The following MAD1L1 variants were observed in gnomAD, a reference collection of about 807,000 sequenced individuals.
MAD1L1 encodes the protein mitotic spindle assembly checkpoint protein MAD1.
A neutral mutation model predicts 96.9 loss-of-function variants in MAD1L1; 95 were observed. The observed-to-expected ratio is 0.98, with a 90% CI of 0.83 to 1.16. The LOEUF is 1.16. Ranked by LOEUF, MAD1L1 falls within the 50% of genes most tolerant of loss-of-function variation. The probability of loss-of-function intolerance (pLI) is 0.00; values close to 1 mark genes in which losing one functional copy is unlikely to be tolerated. For missense variants in MAD1L1, 1,007 were observed against 954.4 expected (o/e 1.06, Z -0.73); for synonymous variants, 473 against 396.6 (o/e 1.19, Z -2.29).
chr7:1,939,519 ATG>A (rs2128465570), intron 16 of MAD1L1, among the ~76,000 whole-genome samples: 1 of 148,336 alleles, frequency 6.7e-6, no homozygotes, highest in Admixed American at 6.7e-5. Flanking sequence ...AGGCACAGAC[ATG>A]ACCATGGTCA....
intron 11 of MAD1L1, among the ~76,000 whole-genome samples, chr7:2,130,168 C>A (rs1167153250): frequency 6.6e-6 from 1 of 152,244 alleles, no homozygotes; most frequent in African/African-American, 2.4e-5. Context: ...GCCTTCGGCC[C>A]GCAGCAGGTG....
At position 2,163,275 on chromosome 7, in the gene MAD1L1, G is replaced by C. The variant is rs74757863; in HGVS notation, c.987-14037C>G. On this transcript the variant is annotated intron_variant, in intron 10 of 18. Transcript: ENST00000265854. ...CCCAGGGGCTTGCTCTGGGAGTGTGGGTTGGGGGCGTAATGGGATGGAACT... is the reference window on the plus strand; with the variant it reads ...CCCAGGGGCTTGCTCTGGGAGTGTGCGTTGGGGGCGTAATGGGATGGAACT... 9.2e-3 allele frequency among the ~76,000 whole-genome samples: 1,401 copies of C among 152,306 alleles called. 21 individuals carry two copies. The highest frequency in any genetic ancestry group is 0.032 in the African/African-American group (1,313 of 41,556).
intron 11 of MAD1L1, among the ~76,000 whole-genome samples, chr7:2,095,728 C>G (rs1786453281): frequency 6.6e-6 from 1 of 152,220 alleles, no homozygotes; most frequent in Admixed American, 6.5e-5. Context: ...GCGCACAAGG[C>G]TCAGCCGGCG....
intron 13 of MAD1L1, among the ~76,000 whole-genome samples, 177 bp from the exon 14 acceptor site, chr7:2,002,298 G>A (rs1019879724): frequency 1.3e-5 from 2 of 152,174 alleles, no homozygotes; most frequent in African/African-American, 4.8e-5. Context: ...GCTGCCCCGC[G>A]AGGCCGAGAG....
intron 15 of MAD1L1, among the ~76,000 whole-genome samples, chr7:1,966,729 G>C (rs1489720751): frequency 1.3e-5 from 2 of 152,210 alleles, no homozygotes; most frequent in African/African-American, 2.4e-5. Context: ...ACCTCAAAGG[G>C]AACAGCGATT....
rs1419406631 is a variant in MAD1L1, at chr7:2,142,558, A to T, written c.1073+6594T>A. ...TGCCACTGAGCCCACGGTGAAGGGCACGGTGCCACCCAGAGCTCCTGGCGC... is the reference window on the plus strand; with the variant it reads ...TGCCACTGAGCCCACGGTGAAGGGCTCGGTGCCACCCAGAGCTCCTGGCGC... On this transcript the variant is annotated intron_variant, in intron 11 of 18. Transcript: ENST00000265854. This position sits in a 1 kb window ranked among gnomAD's most constrained non-coding sequence, Gnocchi z 4.7. 1.3e-5 allele frequency among the ~76,000 whole-genome samples: 2 copies of T among 152,218 alleles called. No individual in the cohort carries two copies. The highest frequency in any genetic ancestry group is 6.5e-5 in the Admixed American group (1 of 15,286).
chr7:2,207,957 C>T (rs1200684804), intron 10 of MAD1L1, among the ~76,000 whole-genome samples: 2 of 152,202 alleles, frequency 1.3e-5, no homozygotes, highest in African/African-American at 2.4e-5. Flanking sequence ...GCAGGACATC[C>T]AGCTGGTGAC....
intron 12 of MAD1L1, among the ~76,000 whole-genome samples, chr7:2,054,808 G>T (rs1168938490): frequency 6.6e-6 from 1 of 152,230 alleles, no homozygotes; most frequent in Non-Finnish European, 1.5e-5. Flanking sequence ...CTTTAAGTAT[G>T]AACAAAGCAA....
intron 18 of MAD1L1, among the ~76,000 whole-genome samples, chr7:1,856,816 G>T (rs1784282048): frequency 6.6e-6 from 1 of 152,160 alleles, no homozygotes; most frequent in Non-Finnish European, 1.5e-5. Context: ...GGCCACAACG[G>T]CTGGAGGGAC....
chr7:1,835,260 C>A (rs1021625134), intron 18 of MAD1L1, among the ~76,000 whole-genome samples: 7 of 152,148 alleles, frequency 4.6e-5, no homozygotes, highest in Non-Finnish European at 8.8e-5. Flanking sequence ...TGAAACAGGA[C>A]AAGGATGTTC....
rs1241618769 is a variant in MAD1L1, at chr7:2,230,120, C to T, written c.14G>A (p.Gly5Glu). 3 of 1,596,030 alleles carry T rather than the reference C, an allele frequency of 1.9e-6. No individual in the cohort carries two copies. Among genetic ancestry groups the T allele is most frequent in the Admixed American group, 1.8e-5 (1 of 56,904 alleles). Residue 5 changes from glycine to glutamate, a missense_variant, in exon 3 of 19, where the codon GGG becomes GAG. Physicochemically the swap from Gly to Glu is moderately conservative, Grantham distance 98 (BLOSUM62 -2). Transcript: ENST00000265854. ...GGTGGATAAAACCATGGTGTTTTCCCCCAGGTCTTCCATGGTTGCTTTCCT... is the reference window on the plus strand; with the variant it reads ...GGTGGATAAAACCATGGTGTTTTCCTCCAGGTCTTCCATGGTTGCTTTCCT... MEDLGENTMVLSTLR... is the reference protein window; with the variant it reads MEDLEENTMVLSTLR...
intron 15 of MAD1L1, among the ~76,000 whole-genome samples, chr7:1,971,463 A>G (rs925298572): frequency 6.6e-6 from 1 of 152,200 alleles, no homozygotes; most frequent in African/African-American, 2.4e-5. Context: ...GACTTACAAA[A>G]ACCTATAAAA....
chr7:1,832,630 T>TTTGGGGGG lies in MAD1L1; in HGVS notation c.1999-16403_1999-16402insCCCCCCAA, dbSNP rs56664541. 7.2e-3 allele frequency among the ~76,000 whole-genome samples: 17 copies of TTTGGGGGG among 2,348 alleles called. 2 individuals are homozygous for TTTGGGGGG. Among genetic ancestry groups the TTTGGGGGG allele is most frequent in the South Asian group, 0.033 (2 of 60 alleles). The allele number at this position is 2,348 out of a possible 152,430, so 1.5% of individuals were successfully genotyped here. ...CTTCATTGCTGTGTTTTTTTTTTTT[T>TTTGGGGGG]GGCGGGGGGGGGGGGGGTGGGGATG... is the stretch of plus-strand genomic sequence containing the variant. On this transcript the variant is annotated intron_variant, in intron 18 of 18. Transcript: ENST00000265854.
At chr7:2,216,372 G>A (rs1456769635) in intron 7 of MAD1L1, 85 bp from the exon 8 acceptor site, 1 of 1,413,322 alleles carries the variant, frequency 7.1e-7, no homozygotes, top group Admixed American at 2.2e-5. Flanking sequence ...GCTAAGAGAA[G>A]GAAGCCGGTC....
intron 14 of MAD1L1, among the ~76,000 whole-genome samples, chr7:2,001,473 C>G (rs1198279385): frequency 6.6e-6 from 1 of 152,274 alleles, no homozygotes; most frequent in Non-Finnish European, 1.5e-5. Flanking sequence ...CCTGGTCCCC[C>G]ACGGGCCCAC....
At position 2,230,144 on chromosome 7, in the gene MAD1L1, C is replaced by T. The variant is rs1056412515; in HGVS notation, c.-10-1G>A. The T allele has an allele frequency of 1.3e-6, 2 of 1,579,862 alleles. No individual in the cohort carries two copies. The highest frequency in any genetic ancestry group is 2.7e-5 in the African/African-American group (2 of 74,238). On this transcript the variant is annotated splice_acceptor_variant, in intron 2 of 18. Transcript: ENST00000265854. LOFTEE classifies it low-confidence loss of function (5UTR_SPLICE). ...CCCCAGGTCTTCCATGGTTGCTTTC[C>T]TTCCGGGGACAGACAAAGGACTGGT...
At chr7:2,042,160 T>C (rs921324006) in intron 12 of MAD1L1, among the ~76,000 whole-genome samples, 12 of 142,114 alleles carry the variant, frequency 8.4e-5, no homozygotes, top group African/African-American at 3.3e-4. Flanking sequence ...TGCACACACA[T>C]ATGTACACAC....
At chr7:2,028,421 T>G (rs1378174775) in intron 12 of MAD1L1, among the ~76,000 whole-genome samples, 2 of 105,810 alleles carry the variant, frequency 1.9e-5, no homozygotes, top group Non-Finnish European at 3.5e-5. Context: ...CAAGACTCCA[T>G]CTCAAAAAAA....
chr7:1,902,610 T>C (rs572939015), intron 17 of MAD1L1, among the ~76,000 whole-genome samples: 1 of 152,334 alleles, frequency 6.6e-6, no homozygotes, highest in South Asian at 2.1e-4. Flanking sequence ...CTTCCGCCCT[T>C]CCCCGGGGCC....
Sources: allele counts gnomAD v4.1 joint callset (sites outside exome capture counted in the v4.1 genomes callset), GRCh38; gene constraint gnomAD v4.1.1; non-coding constraint Gnocchi (gnomAD v3.1); transcripts MANE v1.5; gene names NCBI Gene and HGNC (gene_info 2026-07-23, HGNC 2026-07-21).